Variants in PTK2 observed in about 807,000 individuals in gnomAD.
PTK2 encodes protein tyrosine kinase 2.
PTK2 carries 45 observed loss-of-function variants against 150.1 expected under a neutral mutation model. The ratio of observed to expected loss-of-function variants is 0.30; its 90% CI spans 0.24 to 0.38. The LOEUF is 0.38. Ranked by LOEUF, PTK2 falls within the 10% of genes least tolerant of loss-of-function variation. The pLI, the probability that PTK2 is intolerant of heterozygous loss-of-function variation, is 1.00. For missense variants in PTK2, 919 were observed against 1,307.3 expected (o/e 0.70, Z 4.58); for synonymous variants, 432 against 449.2 (o/e 0.96, Z 0.48).
chr8:140,836,176 T>C (rs1214746035), intron 7 of PTK2, among the ~76,000 whole-genome samples: 1 of 152,186 alleles, frequency 6.6e-6, no homozygotes, highest in Non-Finnish European at 1.5e-5. Context: ...CTGGGGATGT[T>C]TTTGTGACGA....
At chr8:140,956,426 C>T (rs139085900) in intron 1 of PTK2, among the ~76,000 whole-genome samples, 2 of 152,288 alleles carry the variant, frequency 1.3e-5, no homozygotes, top group African/African-American at 4.8e-5. Flanking sequence ...TGCTGCCAGT[C>T]GTATAAAAGT....
At chr8:140,982,609 A>C (rs1337398157) in intron 1 of PTK2, among the ~76,000 whole-genome samples, 1 of 152,182 alleles carries the variant, frequency 6.6e-6, no homozygotes, top group Non-Finnish European at 1.5e-5. Flanking sequence ...AAAAAAAAGA[A>C]AGAAAGAAAG....
intron 4 of PTK2, among the ~76,000 whole-genome samples, chr8:140,873,158 T>C (rs1190160959): frequency 6.6e-6 from 1 of 152,232 alleles, no homozygotes; most frequent in African/African-American, 2.4e-5. Flanking sequence ...TGGTAGGGCA[T>C]GTAATCACTT....
chr8:140,938,922 C>G (rs2100174678), intron 1 of PTK2, among the ~76,000 whole-genome samples: 1 of 151,956 alleles, frequency 6.6e-6, no homozygotes. Context: ...GCAGGAGGAT[C>G]GCTTGAGCCC....
At chr8:140,668,296 T>C (rs1385439078) in exon 30 of PTK2, 3 of 1,614,016 alleles carry the variant, frequency 1.9e-6, no homozygotes, top group Non-Finnish European at 1.7e-6. Context: ...ACTCCTCTGG[T>C]GGGGCTGGCT....
chr8:140,773,655 G>A (rs1280333194), intron 14 of PTK2, among the ~76,000 whole-genome samples: 1 of 152,118 alleles, frequency 6.6e-6, no homozygotes, highest in Admixed American at 6.6e-5. Context: ...AGTGGGAAGG[G>A]GGAGGTGGCA....
rs560150704 is a variant in PTK2, at chr8:140,772,658, A to G, written c.1178-8368T>C. ...CTTAAACACACACTGAAATGTTTATAAGCAGCACCATGTCTGTAACTTGTT... is the reference window on the plus strand; with the variant it reads ...CTTAAACACACACTGAAATGTTTATGAGCAGCACCATGTCTGTAACTTGTT... On this transcript the variant is annotated intron_variant, in intron 14 of 31. Coordinates refer to ENST00000522684, the Ensembl canonical transcript of PTK2. 2.6e-5 allele frequency among the ~76,000 whole-genome samples: 4 copies of G among 152,350 alleles called. No homozygotes were observed. In the East Asian group the frequency reaches 7.7e-4, roughly 29 times the overall value.
chr8:140,717,725 A>G lies in PTK2; in HGVS notation c.2031-16T>C. ...CAGGATTGTGCTAGAGAGACAACAC[A>G]TTGTCTTAGGGGAGCTGACAACCCA... On this transcript the variant is annotated splice_polypyrimidine_tract_variant and intron_variant, in intron 22 of 31. Transcript: ENST00000522684. 2 of 1,600,236 alleles carry G rather than the reference A, an allele frequency of 1.2e-6. No homozygotes were observed. Among genetic ancestry groups the G allele is most frequent in the Non-Finnish European group, 8.6e-7 (1 of 1,167,548 alleles).
At chr8:140,842,135 G>C (rs570714200) in intron 7 of PTK2, among the ~76,000 whole-genome samples, 1 of 152,148 alleles carries the variant, frequency 6.6e-6, no homozygotes, top group East Asian at 1.9e-4. Flanking sequence ...TTAAAACAGA[G>C]AGCTATAAGG....
At chr8:140,751,672 T>C (rs2100062771) in intron 17 of PTK2, among the ~76,000 whole-genome samples, 1 of 152,102 alleles carries the variant, frequency 6.6e-6, no homozygotes, top group Non-Finnish European at 1.5e-5. Flanking sequence ...TTTGTATTTT[T>C]AGTAGAAGAC....
chr8:140,696,846 G>T (rs531572357), intron 26 of PTK2, among the ~76,000 whole-genome samples: 65 of 152,246 alleles, frequency 4.3e-4, no homozygotes, highest in African/African-American at 1.6e-3. Context: ...CATGGTCCAT[G>T]GTCTCTGCAC....
At chr8:140,659,273 C>A in exon 32 of PTK2, 1 of 546,190 alleles carries the variant, frequency 1.8e-6, no homozygotes, top group Non-Finnish European at 3.2e-6. Flanking sequence ...TTGAAAAAAA[C>A]AAAACAAAAA....
intron 1 of PTK2, among the ~76,000 whole-genome samples, chr8:140,979,707 T>G (rs2100190676): frequency 1.3e-5 from 2 of 152,060 alleles, no homozygotes; most frequent in Non-Finnish European, 2.9e-5. Flanking sequence ...AACTGAATCA[T>G]AAGGCGGGCT....
At chr8:140,914,418 G>T (rs1350081149) in intron 2 of PTK2, among the ~76,000 whole-genome samples, 1 of 117,930 alleles carries the variant, frequency 8.5e-6, no homozygotes, top group Non-Finnish European at 2.1e-5. Context: ...CCAAGTTTTG[G>T]GTTTTTTTTT....
intron 25 of PTK2, among the ~76,000 whole-genome samples, chr8:140,701,534 T>C (rs1000061651): frequency 2.6e-5 from 4 of 152,252 alleles, no homozygotes; most frequent in South Asian, 2.1e-4. Context: ...CCTGAGTAGA[T>C]GCAACTATGG....
intron 3 of PTK2, among the ~76,000 whole-genome samples, chr8:140,884,702 A>C (rs2100151652): frequency 6.6e-6 from 1 of 152,248 alleles, no homozygotes; most frequent in South Asian, 2.1e-4. Context: ...TGTTTATAGC[A>C]TAGTTTGTTC....
chr8:140,701,082 CTTGTT>C lies in PTK2; in HGVS notation c.2368-65_2368-61del, dbSNP rs1399481053. On this transcript the variant is annotated intron_variant, in intron 25 of 31. Coordinates refer to ENST00000522684, the Ensembl canonical transcript of PTK2. Reference sequence around the variant, plus strand: ...CATAAGTCTATTCCTATGCTCTTACCTTGTTTTATGTGTCTTTCAAGAAAAGATAA... The same window carrying C: ...CATAAGTCTATTCCTATGCTCTTACCTTATGTGTCTTTCAAGAAAAGATAA... 7 of 1,517,548 alleles carry C rather than the reference CTTGTT, an allele frequency of 4.6e-6. No individual in the cohort carries two copies. In the African/African-American group the frequency reaches 8.4e-5, roughly 18 times the overall value. The allele number at this position is 1,517,548 out of a possible 1,614,324, so 94.0% of individuals were successfully genotyped here.
At chr8:140,749,307 G>A (rs367804762) in intron 17 of PTK2, among the ~76,000 whole-genome samples, 52 of 152,244 alleles carry the variant, frequency 3.4e-4, no homozygotes, top group Middle Eastern at 3.4e-3. Context: ...ATTCACAACC[G>A]TACTTTCAAT....
At chr8:140,870,552 G>A (rs1241912416) in intron 4 of PTK2, among the ~76,000 whole-genome samples, 1 of 152,142 alleles carries the variant, frequency 6.6e-6, no homozygotes, top group Non-Finnish European at 1.5e-5. Flanking sequence ...TTGCAGAGAA[G>A]ACATCAGAAG....
Sources: allele counts gnomAD v4.1 joint callset (sites outside exome capture counted in the v4.1 genomes callset), GRCh38; gene constraint gnomAD v4.1.1; transcripts MANE v1.5; gene names NCBI Gene and HGNC (gene_info 2026-07-23, HGNC 2026-07-21).